The following C3orf49 variants were observed in gnomAD, a reference collection of about 807,000 sequenced individuals.
C3orf49 encodes chromosome 3 open reading frame 49.
C3orf49 carries 27 observed loss-of-function variants against 13.3 expected under a neutral mutation model. The ratio of observed to expected loss-of-function variants is 2.02; its 90% confidence interval spans 1.49 to 2.79. C3orf49 has a LOEUF of 2.79. C3orf49 is among the 30% of genes most tolerant of loss of function. C3orf49 has a pLI of 0.00. For synonymous variants in C3orf49, 87 were observed against 47.6 expected (o/e 1.83, Z -3.40); for missense variants, 242 against 134.2 (o/e 1.80, Z -3.97).
At chr3:63,847,062 A>G (rs1439646831) in intron 6 of C3orf49, among the ~76,000 whole-genome samples, 1 of 152,090 alleles carries the variant, frequency 6.6e-6, no homozygotes, top group East Asian at 1.9e-4. Flanking sequence ...GTTTGTTGGG[A>G]ATGGATCGAA....
the C3orf49 span, among the ~76,000 whole-genome samples, chr3:63,808,196 T>C: frequency 1.3e-5 from 2 of 152,190 alleles, no homozygotes; most frequent in Non-Finnish European, 2.9e-5. Flanking sequence ...AAGCTCCTCA[T>C]TGTTATTTAA....
rs1332039172 is a variant in C3orf49, at chr3:63,827,655, A to ACACACTCC, written c.501_508dup (p.Leu170ProfsTer15). The ACACACTCC allele has an allele frequency of 1.4e-6, 1 of 703,134 alleles. No individual in the cohort carries two copies. Among genetic ancestry groups the ACACACTCC allele is most frequent in the African/African-American group, 1.7e-5 (1 of 57,246 alleles). 43.6% of individuals were successfully genotyped at this position (703,134 alleles called of 1,614,324 possible). A position where few individuals can be genotyped will look rare whatever the true frequency, so the allele number is the denominator to read the frequency against. ...GAGACAGAGGAGATAACCCAGGGAAACACACTCCTTCGGGCCAGGAGAACC... is the reference window on the plus strand; with the variant it reads ...GAGACAGAGGAGATAACCCAGGGAAACACACTCCCACACTCCTTCGGGCCAGGAGAACC... On this transcript the variant is annotated frameshift_variant, in exon 3 of 7. Coordinates refer to ENST00000295896, the MANE Select transcript of C3orf49 (RefSeq NM_001355236.2). LOFTEE classifies it high-confidence loss of function.
At chr3:63,812,367 C>T in the C3orf49 span, among the ~76,000 whole-genome samples, 1 of 152,158 alleles carries the variant, frequency 6.6e-6, no homozygotes, top group African/African-American at 2.4e-5. Context: ...CAAAGCCATC[C>T]TGGGTCACCT....
intron 2 of C3orf49, among the ~76,000 whole-genome samples, chr3:63,826,179 T>C (rs1023532475): frequency 6.6e-6 from 1 of 152,078 alleles, no homozygotes; most frequent in African/African-American, 2.4e-5. Context: ...CTTCTAAGGG[T>C]GATAAGAAAC....
At chr3:63,844,997 T>C in intron 5 of C3orf49, 26 bp from the exon 6 acceptor site, 1 of 689,812 alleles carries the variant, frequency 1.4e-6, no homozygotes. Flanking sequence ...GATCTTTACA[T>C]TTGTTGTAAT....
chr3:63,815,292 A>C (rs557908056), upstream of C3orf49, among the ~76,000 whole-genome samples: 4 of 152,206 alleles, frequency 2.6e-5, no homozygotes, highest in East Asian at 7.7e-4. Flanking sequence ...TCTCCCCCAT[A>C]TCCCAATTCA....
intron 5 of C3orf49, chr3:63,836,449 CA>C: frequency 8.4e-7 from 1 of 1,186,274 alleles, no homozygotes; most frequent in Non-Finnish European, 1.2e-6. Context: ...CTCTCCTAAT[CA>C]CTTTCCTAGT....
chr3:63,807,768 A>G, the C3orf49 span, among the ~76,000 whole-genome samples: 1 of 150,874 alleles, frequency 6.6e-6, no homozygotes, highest in Non-Finnish European at 1.5e-5. Flanking sequence ...GAGACAGGAG[A>G]ATCACTTGAA....
chr3:63,780,351 G>A, the C3orf49 span, among the ~76,000 whole-genome samples: 2 of 151,946 alleles, frequency 1.3e-5, no homozygotes, highest in African/African-American at 2.4e-5. Flanking sequence ...AGTATTCCAT[G>A]GTATATGTGC....
At chr3:63,846,623 T>C (rs1701903384) in intron 6 of C3orf49, among the ~76,000 whole-genome samples, 3 of 152,138 alleles carry the variant, frequency 2.0e-5, no homozygotes, top group Admixed American at 2.0e-4. Flanking sequence ...TTGGCCAGGC[T>C]GGTTCTCAAA....
chr3:63,797,841 G>T, the C3orf49 span, among the ~76,000 whole-genome samples: 8 of 152,290 alleles, frequency 5.3e-5, no homozygotes, highest in African/African-American at 1.7e-4. Flanking sequence ...CAATGGTGGT[G>T]AAGTATGAAA....
chr3:63,818,656 TAAGC>T (rs1272733064), upstream of C3orf49, among the ~76,000 whole-genome samples: 1 of 152,228 alleles, frequency 6.6e-6, no homozygotes, highest in African/African-American at 2.4e-5. Context: ...TTTTTCTTGT[TAAGC>T]ATCTAGTTAT....
At chr3:63,815,188 T>C (rs547455578), upstream of C3orf49, among the ~76,000 whole-genome samples, 13 of 152,316 alleles carry the variant, frequency 8.5e-5, no homozygotes, top group African/African-American at 2.9e-4. Flanking sequence ...CACTGGCAAT[T>C]ACATTTCAAT....
At chr3:63,811,752 G>C in the C3orf49 span, among the ~76,000 whole-genome samples, 1 of 151,590 alleles carries the variant, frequency 6.6e-6, no homozygotes, top group African/African-American at 2.4e-5. Flanking sequence ...GCTCATAGCT[G>C]TATTACAAAG....
chr3:63,842,294 T>C (rs1346051207), intron 5 of C3orf49, among the ~76,000 whole-genome samples: 1 of 152,016 alleles, frequency 6.6e-6, no homozygotes, highest in Non-Finnish European at 1.5e-5. Flanking sequence ...GAGGCTATTA[T>C]CAAAAAGACA....
At chr3:63,836,240 G>A (rs546070410) in intron 5 of C3orf49, 2 of 1,491,474 alleles carry the variant, frequency 1.3e-6, no homozygotes, top group Non-Finnish European at 1.8e-6. Context: ...AATGCCTACG[G>A]TAGTTTTCGA....
At chr3:63,818,670 T>C (rs770051571), upstream of C3orf49, among the ~76,000 whole-genome samples, 1 of 152,206 alleles carries the variant, frequency 6.6e-6, no homozygotes, top group African/African-American at 2.4e-5. Context: ...CATCTAGTTA[T>C]TTGACTGAAC....
At chr3:63,837,312 A>T (rs192789589) in intron 5 of C3orf49, among the ~76,000 whole-genome samples, 287 of 150,924 alleles carry the variant, frequency 1.9e-3, no homozygotes, top group Middle Eastern at 7.0e-3. Flanking sequence ...TTTCATATCA[A>T]TGTAACAGTT....
chr3:63,789,975 G>A, the C3orf49 span, among the ~76,000 whole-genome samples: 1 of 152,040 alleles, frequency 6.6e-6, no homozygotes, highest in African/African-American at 2.4e-5. Context: ...TTTTTTACCT[G>A]TAAACGTCCA....
Sources: gnomAD v4.1 joint callset for allele counts (sites outside exome capture counted in the v4.1 genomes callset) on GRCh38, gnomAD v4.1.1 for gene constraint, MANE v1.5 for transcripts, NCBI Gene and HGNC (gene_info 2026-07-23, HGNC 2026-07-21) for gene names.